Variants in CLPB observed in about 807,000 individuals in gnomAD.
CLPB encodes the protein mitochondrial disaggregase.
CLPB carries 40 observed loss-of-function variants against 78.4 expected under a neutral mutation model. The observed-to-expected ratio is 0.51, with a 90% CI of 0.40 to 0.66. CLPB has a LOEUF of 0.66. Ranked by LOEUF, CLPB falls within the 30% of genes least tolerant of loss-of-function variation. The pLI is 0.00. For missense variants in CLPB, 780 were observed against 886.9 expected (o/e 0.88, Z 1.53); for synonymous variants, 333 against 348.0 (o/e 0.96, Z 0.48).
chr11:72,330,119 C>T (rs1245604980), intron 5 of CLPB, among the ~76,000 whole-genome samples: 1 of 152,206 alleles, frequency 6.6e-6, no homozygotes, highest in Non-Finnish European at 1.5e-5. Context: ...TACATGTATT[C>T]ATTAAAATGT....
rs1949745300 is a variant in CLPB, at chr11:72,306,303, ACT to A, written c.1122+894_1122+895del. ...GCCAGAAAGAGAACAGGAGTCCAAG[ACT>A]CTGTGCTGCTGGGGCCACTTGGCTG... On this transcript the variant is annotated intron_variant, in intron 9 of 15. Coordinates refer to ENST00000538039, the MANE Select transcript of CLPB (RefSeq NM_001258392.3). Among the ~76,000 whole-genome samples the A allele has an allele frequency of 2.0e-5, 3 of 152,044 alleles. No individual in the cohort carries two copies. In the East Asian group the frequency reaches 5.8e-4, roughly 29 times the overall value.
intron 6 of CLPB, among the ~76,000 whole-genome samples, chr11:72,321,902 T>G (rs1950050223): frequency 7.0e-6 from 1 of 142,238 alleles, no homozygotes; most frequent in African/African-American, 2.7e-5. Context: ...TGTCCTGAAA[T>G]GGTATGACAT....
At chr11:72,398,761 T>C (rs975667484) in intron 3 of CLPB, among the ~76,000 whole-genome samples, 3 of 152,140 alleles carry the variant, frequency 2.0e-5, no homozygotes, top group African/African-American at 4.8e-5. Flanking sequence ...GGGCTAACTG[T>C]GGAGAAGGGG....
chr11:72,305,544 G>C (rs76022773), intron 9 of CLPB, among the ~76,000 whole-genome samples: 1,598 of 152,286 alleles, frequency 0.01, 26 homozygotes, highest in African/African-American at 0.037. Context: ...GAAACTTCAA[G>C]GGGTAAAGTT....
rs903893350 is a variant in CLPB at position 72,367,288 on chromosome 11, C to T, written c.647-8280G>A. 3.9e-4 allele frequency among the ~76,000 whole-genome samples: 60 copies of T among 152,312 alleles called. 1 individual carries two copies. The highest frequency in any genetic ancestry group is 3.9e-4 in the East Asian group (2 of 5,188). On this transcript the variant is annotated intron_variant, in intron 4 of 15. Transcript: ENST00000538039. ...AAGTGATTCTCGTGCCTCAGCCTCC[C>T]GAGTAGCTGGGACTACAGGCGCGTG... is the stretch of plus-strand genomic sequence containing the variant.
chr11:72,290,195 A>C lies in CLPB; in HGVS notation c.*3172T>G, dbSNP rs139655107. 6.6e-6 allele frequency: 1 copy of C among 152,332 alleles called. No individual in the cohort carries two copies. Among genetic ancestry groups the C allele is most frequent in the Non-Finnish European group, 1.5e-5 (1 of 68,026 alleles). The allele number at this position is 152,332 out of a possible 1,614,324, so 9.4% of individuals were successfully genotyped here. A position where few individuals can be genotyped will look rare whatever the true frequency, so the allele number is the denominator to read the frequency against. On this transcript the variant is annotated 3_prime_UTR_variant, in exon 16 of 16. Coordinates refer to ENST00000538039, the MANE Select transcript of CLPB (RefSeq NM_001258392.3). ...GCCTGAAACATCTTGTGGTGCCAGA[A>C]AATGCTTAAAAAGTGACAGGGGCAA...
chr11:72,320,018 G>C (rs374928695), intron 6 of CLPB, among the ~76,000 whole-genome samples: 5 of 152,192 alleles, frequency 3.3e-5, no homozygotes, highest in Admixed American at 2.6e-4. Flanking sequence ...GGCGGCTCTC[G>C]AGGCTCCATC....
intron 11 of CLPB, among the ~76,000 whole-genome samples, chr11:72,295,992 G>A (rs767164433): frequency 3.9e-5 from 6 of 152,196 alleles, no homozygotes; most frequent in African/African-American, 7.2e-5. Context: ...TTGGAGGCCC[G>A]CTGTGGGCCA....
intron 6 of CLPB, among the ~76,000 whole-genome samples, chr11:72,325,947 T>C (rs1950126812): frequency 6.6e-6 from 1 of 152,232 alleles, no homozygotes; most frequent in Non-Finnish European, 1.5e-5. Context: ...TATACATAGA[T>C]ATGATCCAGA....
Position 72,308,510 on chromosome 11 carries a change from G to T in CLPB, c.1066+17C>A. 1.2e-6 allele frequency: 2 copies of T among 1,612,000 alleles called. No individual in the cohort carries two copies. Among genetic ancestry groups the T allele is most frequent in the East Asian group, 2.2e-5 (1 of 44,870 alleles). ...CCCTAGCTCTCTGTCCCCACTGGCT[G>T]ATCTGCTCCCAATTACCTATTCCAG... is the stretch of plus-strand genomic sequence containing the variant. On this transcript the variant is annotated intron_variant, in intron 8 of 15. Coordinates refer to ENST00000538039, the MANE Select transcript of CLPB (RefSeq NM_001258392.3).
In CLPB at chr11:72,287,169, G is replaced by C. The variant is rs1006490472; in HGVS notation, c.*6198C>G. The C allele has an allele frequency of 1.3e-5, 2 of 152,120 alleles. No homozygotes were observed. The highest frequency in any genetic ancestry group is 2.9e-5 in the Non-Finnish European group (2 of 68,022). The allele number at this position is 152,120 out of a possible 1,614,324, so 9.4% of individuals were successfully genotyped here. ...CTTTCTGGCACTTTATCAGGTTTGA[G>C]TACAATAATAGTTAAAACTCATCTA... On this transcript the variant is annotated 3_prime_UTR_variant, in exon 16 of 16. Transcript: ENST00000538039.
intron 5 of CLPB, among the ~76,000 whole-genome samples, chr11:72,341,592 G>A (rs1950421678): frequency 2.6e-5 from 4 of 152,212 alleles, no homozygotes; most frequent in Admixed American, 2.6e-4. Flanking sequence ...GATATTCCAG[G>A]CAAAGTGAAT....
intron 3 of CLPB, among the ~76,000 whole-genome samples, chr11:72,397,426 A>C (rs1855440204): frequency 6.6e-6 from 1 of 152,216 alleles, no homozygotes; most frequent in Non-Finnish European, 1.5e-5. Flanking sequence ...GTAAATGTAT[A>C]CTTTACCTTT....
At chr11:72,433,753 G>C (rs1459029142) in intron 1 of CLPB, among the ~76,000 whole-genome samples, 1 of 151,862 alleles carries the variant, frequency 6.6e-6, no homozygotes. Flanking sequence ...TCAGGAAAGA[G>C]GAATTGGACC....
At chr11:72,359,276 TGACAAGGGAGGCA>T in intron 4 of CLPB, 1 of 589,428 alleles carries the variant, frequency 1.7e-6, no homozygotes, top group South Asian at 1.6e-5. Context: ...CTGACCTAAC[TGACAAGGGAGGCA>T]GACAATAACC....
At chr11:72,387,632 C>T (rs900853685) in intron 3 of CLPB, among the ~76,000 whole-genome samples, 6 of 151,344 alleles carry the variant, frequency 4.0e-5, no homozygotes, top group Non-Finnish European at 5.9e-5. Context: ...GTTATAAGTA[C>T]GTAAAACTCC....
At chr11:72,301,678 G>A in intron 11 of CLPB, 125 bp downstream of exon 11, 1 of 1,057,524 alleles carries the variant, frequency 9.5e-7, no homozygotes, top group Non-Finnish European at 1.4e-6. Flanking sequence ...ATGAATGAAT[G>A]TACACATGCG....
At chr11:72,319,887 G>A (rs1006976538) in intron 6 of CLPB, among the ~76,000 whole-genome samples, 3 of 151,978 alleles carry the variant, frequency 2.0e-5, no homozygotes, top group South Asian at 4.1e-4. Context: ...TTTTGTTTTT[G>A]GTACTGGAAT....
rs962719020 is a variant in CLPB at position 72,384,587 on chromosome 11, T to G, written c.543-4203A>C. Among the ~76,000 whole-genome samples, 25 of 152,156 alleles carry G rather than the reference T, an allele frequency of 1.6e-4. 1 individual carries two copies. The highest frequency in any genetic ancestry group is 1.4e-3 in the Admixed American group (21 of 15,278). On this transcript the variant is annotated intron_variant, in intron 3 of 15. Transcript: ENST00000538039. ...TCAGAAGTTAGTCCTCACCAATCAA[T>G]AATTGCCTTGAATGTAAATGGATTA...
Sources: allele counts gnomAD v4.1 joint callset (sites outside exome capture counted in the v4.1 genomes callset), GRCh38; gene constraint gnomAD v4.1.1; transcripts MANE v1.5; gene names NCBI Gene and HGNC (gene_info 2026-07-23, HGNC 2026-07-21).